Variants in TGFBR3 observed in about 807,000 individuals in gnomAD.
TGFBR3 encodes the protein transforming growth factor beta receptor 3.
In TGFBR3, 46 loss-of-function variants were observed where a neutral mutation model predicts 87.9. The observed-to-expected ratio is 0.52, with a 90% CI of 0.41 to 0.67. The LOEUF (loss-of-function observed/expected upper bound fraction) is 0.67. Ranked by LOEUF, TGFBR3 falls within the 30% of genes least tolerant of loss-of-function variation. TGFBR3 has a pLI of 0.00. For missense variants in TGFBR3, 866 were observed against 1,041.9 expected, an observed-to-expected ratio of 0.83 and a Z score of 2.32; for synonymous variants, 381 against 391.6, an observed-to-expected ratio of 0.97 and a Z score of 0.32.
At chr1:91,905,442 G>GT (rs557296628) in intron 1 of TGFBR3, among the ~76,000 whole-genome samples, 10 of 151,994 alleles carry the variant, frequency 6.6e-5, no homozygotes, top group Admixed American at 3.3e-4. Flanking sequence ...TTTTGTTTTT[G>GT]TTTTTTTGAG....
At chr1:91,833,305 A>AAC (rs1553171127) in intron 2 of TGFBR3, among the ~76,000 whole-genome samples, 1 of 113,106 alleles carries the variant, frequency 8.8e-6, no homozygotes, top group Non-Finnish European at 1.8e-5. Context: ...CAAAAAAAAA[A>AAC]AAAAAAAAAA....
At chr1:91,787,182 T>A (rs994775968) in intron 3 of TGFBR3, among the ~76,000 whole-genome samples, 19 of 152,076 alleles carry the variant, frequency 1.2e-4, no homozygotes, top group African/African-American at 4.3e-4. Context: ...ATGCCTATGG[T>A]CCCAGCTACT....
chr1:91,884,180 C>A (rs963731613), intron 1 of TGFBR3, among the ~76,000 whole-genome samples: 2 of 116,320 alleles, frequency 1.7e-5, no homozygotes, highest in African/African-American at 5.5e-5. Context: ...GTTAGCTGGG[C>A]GTGGTAGCGC....
At chr1:91,828,222 A>T (rs914575621) in intron 2 of TGFBR3, among the ~76,000 whole-genome samples, 1 of 152,210 alleles carries the variant, frequency 6.6e-6, no homozygotes, top group Non-Finnish European at 1.5e-5. Flanking sequence ...ACTCAGGGTG[A>T]AGCACTGGAT....
At chr1:91,835,727 C>A (rs1278130870) in intron 2 of TGFBR3, among the ~76,000 whole-genome samples, 1 of 146,690 alleles carries the variant, frequency 6.8e-6, no homozygotes, top group Non-Finnish European at 1.5e-5. Flanking sequence ...ACTGGGGAGG[C>A]TGAGGCAGGA....
intron 2 of TGFBR3, among the ~76,000 whole-genome samples, chr1:91,803,322 A>G (rs562498805): frequency 1.5e-4 from 23 of 152,276 alleles, no homozygotes; most frequent in Non-Finnish European, 2.5e-4. Context: ...ATGTTTCCCA[A>G]TCCCGCTAGC....
intron 2 of TGFBR3, among the ~76,000 whole-genome samples, chr1:91,800,354 G>GTGTGTA (rs1239418559): frequency 2.0e-5 from 3 of 147,670 alleles, no homozygotes; most frequent in African/African-American, 7.6e-5. Context: ...GTGTGTGTGT[G>GTGTGTA]TATATAAAAG....
chr1:91,793,842 G>A (rs1675279460), intron 3 of TGFBR3, among the ~76,000 whole-genome samples: 2 of 148,568 alleles, frequency 1.3e-5, no homozygotes, highest in African/African-American at 5.0e-5. Flanking sequence ...GGTAGAGACT[G>A]CACAAAGGCT....
chr1:91,860,934 C>CAAAAA lies in TGFBR3; in HGVS notation c.61+532_61+536dup, dbSNP rs3039477. On this transcript the variant is annotated intron_variant, in intron 2 of 16. Coordinates refer to ENST00000212355, the MANE Select transcript of TGFBR3 (RefSeq NM_003243.5). ...GTGACAGAGCAAGACTCTGTCTCCA[C>CAAAAA]AAAAAAAAAAAAAAAAAAAAAAAAA... is the stretch of plus-strand genomic sequence containing the variant. Among the ~76,000 whole-genome samples the CAAAAA allele has an allele frequency of 1.4e-4, 5 of 35,634 alleles. 1 individual carries two copies. Among genetic ancestry groups the CAAAAA allele is most frequent in the African/African-American group, 2.9e-4 (3 of 10,328 alleles). The allele number at this position is 35,634 out of a possible 152,430, so 23.4% of individuals were successfully genotyped here.
At chr1:91,897,168 A>C (rs867352262) in intron 2 of TGFBR3, among the ~76,000 whole-genome samples, 8 of 152,104 alleles carry the variant, frequency 5.3e-5, no homozygotes, top group Admixed American at 2.6e-4. Context: ...GGAGATTATA[A>C]TGGTCTTTTC....
intron 4 of TGFBR3, among the ~76,000 whole-genome samples, chr1:91,747,886 C>T (rs921300009): frequency 5.3e-5 from 8 of 152,332 alleles, no homozygotes; most frequent in Admixed American, 1.3e-4. Context: ...GGCCTCCCTG[C>T]GGACTTTGAT....
At chr1:91,780,884 TACAC>T (rs56862200) in intron 3 of TGFBR3, among the ~76,000 whole-genome samples, 9,235 of 132,512 alleles carry the variant, frequency 0.07, 311 homozygotes, top group East Asian at 0.092. Flanking sequence ...ACTAGAGAAC[TACAC>T]ACACACACAC....
Position 91,683,648 on chromosome 1 carries a change from TG to T in TGFBR3, c.*90del. 1 of 1,074,406 alleles carries T rather than the reference TG, an allele frequency of 9.3e-7. No individual in the cohort carries two copies. The highest frequency in any genetic ancestry group is 1.4e-6 in the Non-Finnish European group (1 of 733,726). The allele number at this position is 1,074,406 out of a possible 1,614,324, so 66.6% of individuals were successfully genotyped here. ...GAACCAAAATCCAGCCCTCTGAGTC[TG>T]GACACGAGGCTCAGCCATTGGTCCT... On this transcript the variant is annotated 3_prime_UTR_variant, in exon 17 of 17. Coordinates refer to ENST00000212355, the MANE Select transcript of TGFBR3 (RefSeq NM_003243.5).
chr1:91,742,086 G>A (rs781047101), intron 4 of TGFBR3, among the ~76,000 whole-genome samples: 4 of 152,080 alleles, frequency 2.6e-5, no homozygotes, highest in Non-Finnish European at 5.9e-5. Flanking sequence ...GCCTGAACCC[G>A]TCTATCCTAC....
chr1:91,780,574 T>TTTTTC (rs869151412), intron 3 of TGFBR3, among the ~76,000 whole-genome samples: 1 of 146,740 alleles, frequency 6.8e-6, no homozygotes, highest in South Asian at 2.2e-4. Context: ...TTTTTTTTTT[T>TTTTTC]CTGACATGGA....
chr1:91,779,132 A>G (rs756157753), intron 3 of TGFBR3, among the ~76,000 whole-genome samples: 48 of 152,312 alleles, frequency 3.2e-4, no homozygotes, highest in East Asian at 7.7e-4. Context: ...ATTGAAATGT[A>G]AAAAACCATG....
At chr1:91,751,938 G>A (rs1673554558) in intron 4 of TGFBR3, among the ~76,000 whole-genome samples, 1 of 152,184 alleles carries the variant, frequency 6.6e-6, no homozygotes, top group African/African-American at 2.4e-5. Flanking sequence ...TACTATCAAA[G>A]AATCACAGAG....
chr1:91,761,643 C>G (rs538942504), intron 3 of TGFBR3, among the ~76,000 whole-genome samples: 1 of 152,024 alleles, frequency 6.6e-6, no homozygotes, highest in East Asian at 1.9e-4. Context: ...AGATAAAGGA[C>G]AACCAAAACA....
chr1:91,881,259 G>T (rs1019703849), intron 1 of TGFBR3, among the ~76,000 whole-genome samples: 1 of 152,192 alleles, frequency 6.6e-6, no homozygotes, highest in Non-Finnish European at 1.5e-5. Flanking sequence ...TCAAAGGACA[G>T]TTGAGTTCCC....
Sources: allele counts gnomAD v4.1 joint callset (sites outside exome capture counted in the v4.1 genomes callset), GRCh38; gene constraint gnomAD v4.1.1; transcripts MANE v1.5; gene names NCBI Gene and HGNC (gene_info 2026-07-23, HGNC 2026-07-21).